The following TLCD4 variants were observed in gnomAD, a reference collection of about 807,000 sequenced individuals.
The protein encoded by TLCD4 is TLC domain containing 4, also known as TLC domain-containing protein 4.
TLCD4 carries 7 observed loss-of-function variants against 24.2 expected under a neutral mutation model. The observed-to-expected ratio is 0.29, with a 90% CI of 0.16 to 0.54. The LOEUF is 0.54. Among genes scored for constraint, TLCD4 ranks in the 20% least tolerant of loss-of-function variants. The pLI is 0.95. For synonymous variants in TLCD4, 103 were observed against 106.4 expected (o/e 0.97, Z 0.20); for missense variants, 259 against 313.9 (o/e 0.82, Z 1.32).
chr1:95,150,119 T>A lies in TLCD4; in HGVS notation c.246-89T>A, dbSNP rs556406538. On this transcript the variant is annotated intron_variant, in intron 3 of 6. Coordinates refer to ENST00000370203, the MANE Select transcript of TLCD4 (RefSeq NM_152487.3). ...CCATTTGAGAATCTATAGAAAGCAA[T>A]TTTATTATATTTAAATCTCTATAGA... The A allele has an allele frequency of 2.4e-5, 35 of 1,460,492 alleles. No individual in the cohort carries two copies. The East Asian group carries it at 8.4e-4, about 35-fold the overall frequency. The allele number at this position is 1,460,492 out of a possible 1,614,324, so 90.5% of individuals were successfully genotyped here.
Position 95,117,454 on chromosome 1 carries a change from A to C in TLCD4, c.-175A>C, listed in dbSNP as rs1676454731. On this transcript the variant is annotated 5_prime_UTR_variant, in exon 1 of 7. Transcript: ENST00000370203. ...GCGACTGCACCTCCAAGCGGCCCGG[A>C]ACCCGCGGCTTCCCTGGCTCCCGTG... 6.6e-6 allele frequency: 1 copy of C among 152,122 alleles called. No homozygotes were observed. The highest frequency in any genetic ancestry group is 1.5e-5 in the Non-Finnish European group (1 of 68,090). The allele number at this position is 152,122 out of a possible 1,614,324, so 9.4% of individuals were successfully genotyped here.
At chr1:95,177,238 C>G (rs1292463337) in intron 6 of TLCD4, among the ~76,000 whole-genome samples, 1 of 152,044 alleles carries the variant, frequency 6.6e-6, no homozygotes, top group Non-Finnish European at 1.5e-5. Context: ...ATATTTCTTC[C>G]TTTATTCATA....
chr1:95,099,607 T>C, the TLCD4 span, among the ~76,000 whole-genome samples: 41 of 152,322 alleles, frequency 2.7e-4, no homozygotes, highest in African/African-American at 8.9e-4. Flanking sequence ...TTAATATACT[T>C]TGATTAATTG....
At chr1:95,148,920 C>A in intron 3 of TLCD4, 129 bp downstream of exon 3, 2 of 1,239,732 alleles carry the variant, frequency 1.6e-6, no homozygotes, top group Non-Finnish European at 2.2e-6. Flanking sequence ...TGCTTGTGCT[C>A]AGACATTCTA....
At chr1:95,105,569 T>G in the TLCD4 span, among the ~76,000 whole-genome samples, 1 of 152,210 alleles carries the variant, frequency 6.6e-6, no homozygotes. Flanking sequence ...TTATTTATTT[T>G]TATTGGTGGC....
upstream of TLCD4, among the ~76,000 whole-genome samples, chr1:95,112,491 T>C (rs1455773072): frequency 6.6e-6 from 1 of 152,138 alleles, no homozygotes; most frequent in Non-Finnish European, 1.5e-5. Flanking sequence ...TGCATCAATA[T>C]GACATTTCAG....
chr1:95,123,256 G>T (rs1676618920), intron 1 of TLCD4, among the ~76,000 whole-genome samples: 1 of 152,168 alleles, frequency 6.6e-6, no homozygotes. Flanking sequence ...TTAGAATGAG[G>T]TTTCCTTCCC....
chr1:95,100,969 G>A, the TLCD4 span, among the ~76,000 whole-genome samples: 26 of 150,554 alleles, frequency 1.7e-4, no homozygotes, highest in African/African-American at 5.4e-4. Context: ...GTGCAGTGGC[G>A]CAATCTCAGC....
chr1:95,139,024 C>CA (rs1181312045), intron 1 of TLCD4, among the ~76,000 whole-genome samples: 18,107 of 56,910 alleles, frequency 0.32, 2,011 homozygotes, highest in East Asian at 0.34. Context: ...CCAGTCTCTA[C>CA]AAAAAAAAAA....
At chr1:95,150,350 T>C (rs979741180) in intron 4 of TLCD4, 84 bp downstream of exon 4, 11 of 1,528,304 alleles carry the variant, frequency 7.2e-6, no homozygotes, top group Non-Finnish European at 9.6e-6. Context: ...ATGCTTTTGG[T>C]TTATTTGAGA....
At chr1:95,171,018 A>G (rs1571768536) in intron 5 of TLCD4, among the ~76,000 whole-genome samples, 1 of 151,952 alleles carries the variant, frequency 6.6e-6, no homozygotes, top group East Asian at 1.9e-4. Context: ...TGCTGAATAA[A>G]TTAGAGGGCT....
chr1:95,100,517 G>A, the TLCD4 span, among the ~76,000 whole-genome samples: 1,755 of 152,286 alleles, frequency 0.012, 32 homozygotes, highest in African/African-American at 0.041. Flanking sequence ...AGAGGTTGCA[G>A]TGAGCTGAGA....
In TLCD4 at chr1:95,192,821, A is replaced by G. The variant is rs1679070606; in HGVS notation, c.*953A>G. 6.6e-6 allele frequency: 1 copy of G among 152,150 alleles called. No individual in the cohort carries two copies. The highest frequency in any genetic ancestry group is 2.4e-5 in the African/African-American group (1 of 41,450). 9.4% of individuals were successfully genotyped at this position (152,150 alleles called of 1,614,324 possible). On this transcript the variant is annotated 3_prime_UTR_variant, in exon 7 of 7. Transcript: ENST00000370203. Reference sequence around the variant, plus strand: ...CAAATATCACTGTCATTTCTATTTTAGCATTTTATCAAATTATTGCTTTTT... The same window carrying G: ...CAAATATCACTGTCATTTCTATTTTGGCATTTTATCAAATTATTGCTTTTT...
upstream of TLCD4, among the ~76,000 whole-genome samples, chr1:95,115,037 T>A (rs1482123808): frequency 2.0e-5 from 3 of 149,526 alleles, no homozygotes; most frequent in East Asian, 5.9e-4. Flanking sequence ...GGAATATTGG[T>A]GAAACAATTA....
the TLCD4 span, among the ~76,000 whole-genome samples, chr1:95,110,866 T>TA: frequency 4.6e-3 from 546 of 119,548 alleles, 2 homozygotes; most frequent in Middle Eastern, 8.6e-3. Context: ...AAAAGAAAAG[T>TA]AAAAAAAAAA....
At position 95,139,455 on chromosome 1, in the gene TLCD4, A is replaced by T. The variant is rs376754155; in HGVS notation, c.-11-4436A>T. On this transcript the variant is annotated intron_variant, in intron 1 of 6. Coordinates refer to ENST00000370203, the MANE Select transcript of TLCD4 (RefSeq NM_152487.3). Reference sequence around the variant, plus strand: ...ATAAACTTTTTTATTTAAACCTTTGATTTTTTTTTTTTTTTTTTTTTTGAG... The same window carrying T: ...ATAAACTTTTTTATTTAAACCTTTGTTTTTTTTTTTTTTTTTTTTTTTGAG... Among the ~76,000 whole-genome samples, 302 of 93,946 alleles carry T rather than the reference A, an allele frequency of 3.2e-3. 1 individual carries two copies. Among genetic ancestry groups the T allele is most frequent in the Non-Finnish European group, 4.4e-3 (217 of 49,282 alleles). The allele number at this position is 93,946 out of a possible 152,430, so 61.6% of individuals were successfully genotyped here. A position where few individuals can be genotyped will look rare whatever the true frequency, so the allele number is the denominator to read the frequency against.
At chr1:95,175,333 T>G (rs1416976406) in intron 6 of TLCD4, among the ~76,000 whole-genome samples, 1 of 152,222 alleles carries the variant, frequency 6.6e-6, no homozygotes, top group Non-Finnish European at 1.5e-5. Context: ...TATAATGTCC[T>G]TGAAATGCAT....
intron 6 of TLCD4, among the ~76,000 whole-genome samples, chr1:95,182,642 T>C (rs552103959): frequency 1.3e-5 from 2 of 152,254 alleles, no homozygotes; most frequent in East Asian, 3.9e-4. Flanking sequence ...ACACTATCAG[T>C]ATAGAAGTCA....
intron 6 of TLCD4, among the ~76,000 whole-genome samples, chr1:95,191,116 G>A (rs1446218365): frequency 2.0e-5 from 3 of 151,956 alleles, no homozygotes; most frequent in African/African-American, 4.8e-5. Flanking sequence ...TTACATTTAG[G>A]TCTATGATCC....
Sources: gnomAD v4.1 joint callset for allele counts (sites outside exome capture counted in the v4.1 genomes callset) on GRCh38, gnomAD v4.1.1 for gene constraint, MANE v1.5 for transcripts, NCBI Gene and HGNC (gene_info 2026-07-23, HGNC 2026-07-21) for gene names.